TG: variants seen among roughly 807,000 people sequenced by gnomAD.
TG encodes thyroglobulin.
Under a neutral mutation model 324.7 loss-of-function variants are expected in TG, and 270 were observed. That is an observed-to-expected ratio of 0.83 (90% CI 0.75 to 0.92). TG has a LOEUF of 0.92. TG is among the 40% of genes least tolerant of loss of function. The probability of loss-of-function intolerance (pLI) is 0.00; values close to 1 mark genes in which losing one functional copy is unlikely to be tolerated. For missense variants in TG, 3,591 were observed against 3,456.4 expected, an observed-to-expected ratio of 1.04 and a Z score of -0.98; for synonymous variants, 1,401 against 1,327.0, an observed-to-expected ratio of 1.06 and a Z score of -1.21.
Position 132,886,776 on chromosome 8 carries a change from G to T in TG, c.1404G>T (p.Gln468His). The change falls in exon 9 of 48, where the codon CAG (glutamine) becomes CAT (histidine). Residue 468 changes from glutamine (Q) to histidine (H), a missense_variant. Gln to His is a conservative substitution (Grantham distance 24). Transcript: ENST00000220616. ...LQFTTNPKRLQQNLFGGKFLV... is the reference protein window; with the variant it reads ...LQFTTNPKRLHQNLFGGKFLV... ...TTACCACCAACCCAAAGAGACTCCA[G>T]CAAAACCTTTTTGGAGGGAAATTTT... 6.2e-7 allele frequency: 1 copy of T among 1,614,184 alleles called. No individual in the cohort carries two copies. Among genetic ancestry groups the T allele is most frequent in the Non-Finnish European group, 8.5e-7 (1 of 1,180,040 alleles).
intron 30 of TG, among the ~76,000 whole-genome samples, chr8:132,967,159 A>T (rs952742725): frequency 6.8e-6 from 1 of 147,028 alleles, no homozygotes; most frequent in African/African-American, 2.6e-5. Flanking sequence ...CCATCCACCC[A>T]TCCAACCATC....
intron 45 of TG, 59 bp downstream of exon 45, chr8:133,116,775 C>A: frequency 7.0e-7 from 1 of 1,432,386 alleles, no homozygotes. Context: ...AGTCCCAGTT[C>A]GATGACATGG....
At chr8:133,060,101 C>G in intron 41 of TG, 1 of 1,595,032 alleles carries the variant, frequency 6.3e-7, no homozygotes, top group Non-Finnish European at 8.5e-7. Flanking sequence ...CAGACTTACC[C>G]TCCGGGTTGG....
chr8:133,091,684 C>T (rs897419725), intron 41 of TG, among the ~76,000 whole-genome samples: 6 of 151,620 alleles, frequency 4.0e-5, no homozygotes, highest in Admixed American at 3.9e-4. Context: ...GTCTCTGTGA[C>T]TGTGTGTGTT....
intron 31 of TG, among the ~76,000 whole-genome samples, chr8:132,969,031 G>A (rs1210098164): frequency 6.6e-6 from 1 of 152,110 alleles, no homozygotes; most frequent in African/African-American, 2.4e-5. Context: ...GGAGAGGAGA[G>A]CATCTAGAGG....
chr8:132,908,076 A>G lies in TG; in HGVS notation c.3848-110A>G, dbSNP rs866468. 699,665 of 1,241,406 alleles carry G rather than the reference A, an allele frequency of 0.56. 206,438 individuals are homozygous for G. The highest frequency in any genetic ancestry group is 0.63 in the Admixed American group (33,785 of 53,254). The allele number at this position is 1,241,406 out of a possible 1,614,324, so 76.9% of individuals were successfully genotyped here. A position where few individuals can be genotyped will look rare whatever the true frequency, so the allele number is the denominator to read the frequency against. ...ATGACAATGCAAAATGGCAGTGCTT[A>G]TGTGTTTTGAGCTCAATGAGGAAGG... On this transcript the variant is annotated intron_variant, in intron 17 of 47. Transcript: ENST00000220616.
rs777747219 is a variant in TG at position 132,969,491 on chromosome 8, C to G, written c.5897C>G (p.Thr1966Ser). 3.2e-5 allele frequency: 51 copies of G among 1,613,930 alleles called. No homozygotes were observed. In the South Asian group the frequency reaches 5.1e-4, roughly 16 times the overall value. The change falls in exon 32 of 48, where the codon ACT becomes AGT. Residue 1966 changes from threonine to serine, a missense_variant. Coordinates refer to ENST00000220616, the MANE Select transcript of TG (RefSeq NM_003235.5). Reference protein sequence around the residue: ...ILEDKVKNFYTRLPFQKLMGI... With the variant: ...ILEDKVKNFYSRLPFQKLMGI... The stretch of plus-strand genomic sequence containing the variant: ...GAAGATAAAGTGAAGAACTTTTACA[C>G]TCGCCTGCCGTTCCAAAAACTGATG...
intron 14 of TG, among the ~76,000 whole-genome samples, chr8:132,899,404 C>T (rs1224243153): frequency 6.6e-6 from 1 of 152,122 alleles, no homozygotes; most frequent in Non-Finnish European, 1.5e-5. Flanking sequence ...AGAACTTAAC[C>T]ACTTACTTGC....
intron 27 of TG, among the ~76,000 whole-genome samples, chr8:132,954,047 A>G (rs1366319101): frequency 6.6e-6 from 1 of 151,794 alleles, no homozygotes; most frequent in Non-Finnish European, 1.5e-5. Flanking sequence ...TCCTGAATCC[A>G]AAAGGCTTGA....
intron 20 of TG, among the ~76,000 whole-genome samples, chr8:132,918,923 C>T (rs1389171051): frequency 6.6e-6 from 1 of 152,198 alleles, no homozygotes; most frequent in Non-Finnish European, 1.5e-5. Context: ...GGATAAAATA[C>T]AGACTTTCCA....
intron 20 of TG, among the ~76,000 whole-genome samples, chr8:132,914,310 G>A (rs2132402554): frequency 6.6e-6 from 1 of 152,308 alleles, no homozygotes; most frequent in African/African-American, 2.4e-5. Context: ...TGTGGGGTGA[G>A]ATAGAAAGAC....
intron 43 of TG, among the ~76,000 whole-genome samples, chr8:133,105,740 G>A (rs1442151026): frequency 6.6e-6 from 1 of 152,182 alleles, no homozygotes; most frequent in Non-Finnish European, 1.5e-5. Context: ...AGAATGGGAG[G>A]AAAAGGGGAC....
At chr8:132,940,401 A>G (rs1563981174) in intron 25 of TG, among the ~76,000 whole-genome samples, 2 of 152,228 alleles carry the variant, frequency 1.3e-5, no homozygotes, top group African/African-American at 4.8e-5. Flanking sequence ...TTGCAAAGTG[A>G]CACTCTAAAA....
rs138341313 is a variant in TG, at chr8:133,113,260, G to A, written c.7573-162G>A. 6.2e-3 allele frequency among the ~76,000 whole-genome samples: 940 copies of A among 152,238 alleles called. 13 individuals carry two copies. The highest frequency in any genetic ancestry group is 0.022 in the African/African-American group (906 of 41,548). On this transcript the variant is annotated intron_variant, in intron 43 of 47. Transcript: ENST00000220616. ...CTTAAGGACACACAGCTAGAAGGAG[G>A]CAGAGCTGGGATTCGAACTCAGACA...
intron 39 of TG, among the ~76,000 whole-genome samples, chr8:133,020,217 C>T (rs910707917): frequency 1.6e-4 from 25 of 152,196 alleles, no homozygotes; most frequent in Non-Finnish European, 3.2e-4. Flanking sequence ...CTTCTTAGGG[C>T]ATTTCCCAGT....
rs558199170 is a variant in TG, at chr8:132,967,691, A to G, written c.5687-103A>G. 1.0e-4 allele frequency: 132 copies of G among 1,308,674 alleles called. No individual in the cohort carries two copies. In the African/African-American group the frequency reaches 1.7e-3, roughly 17 times the overall value. 81.1% of individuals were successfully genotyped at this position (1,308,674 alleles called of 1,614,324 possible). A position where few individuals can be genotyped will look rare whatever the true frequency, so the allele number is the denominator to read the frequency against. ...GTCTCAGGCCTCTGCCCTAACTAGG[A>G]GGGATCTCTACCAGGCATTTCCCCA... On this transcript the variant is annotated intron_variant, in intron 30 of 47. Coordinates refer to ENST00000220616, the MANE Select transcript of TG (RefSeq NM_003235.5).
intron 26 of TG, among the ~76,000 whole-genome samples, chr8:132,947,289 G>A (rs143079174): frequency 5.9e-5 from 9 of 152,174 alleles, no homozygotes; most frequent in African/African-American, 2.2e-4. Flanking sequence ...TACCAAGTCA[G>A]AAACTCTGTG....
intron 40 of TG, among the ~76,000 whole-genome samples, chr8:133,024,701 G>A (rs1236138230): frequency 6.6e-6 from 1 of 151,584 alleles, no homozygotes; most frequent in African/African-American, 2.4e-5. Flanking sequence ...GAGAATGATG[G>A]CTTCCTGCTT....
intron 41 of TG, among the ~76,000 whole-genome samples, chr8:133,085,470 G>A (rs868386328): frequency 4.6e-5 from 7 of 152,294 alleles, no homozygotes; most frequent in Middle Eastern, 3.4e-3. Context: ...TAAGGGACTT[G>A]TACCAAGAAA....
Sources: allele counts gnomAD v4.1 joint callset (sites outside exome capture counted in the v4.1 genomes callset), GRCh38; gene constraint gnomAD v4.1.1; transcripts MANE v1.5; gene names NCBI Gene and HGNC (gene_info 2026-07-23, HGNC 2026-07-21).